ELF5: variants seen among roughly 807,000 people sequenced by gnomAD.
The protein encoded by ELF5 is ETS-related transcription factor Elf-5.
In ELF5, 31 loss-of-function variants were observed where a neutral mutation model predicts 38.2. The observed-to-expected ratio is 0.81, with a 90% CI of 0.61 to 1.10. The LOEUF (loss-of-function observed/expected upper bound fraction) is 1.10, where lower values mean the gene tolerates loss of function less well. Ranked by LOEUF, ELF5 falls within the 50% of genes least tolerant of loss-of-function variation. The probability of loss-of-function intolerance (pLI) is 0.00; values close to 1 mark genes in which losing one functional copy is unlikely to be tolerated. For synonymous variants in ELF5, 121 were observed against 112.5 expected (o/e 1.08, Z -0.48); for missense variants, 300 against 306.6 (o/e 0.98, Z 0.16).
At chr11:34,494,634 C>G (rs1850271678) in intron 2 of ELF5, among the ~76,000 whole-genome samples, 1 of 152,078 alleles carries the variant, frequency 6.6e-6, no homozygotes, top group Non-Finnish European at 1.5e-5. Flanking sequence ...ATTTGGTGTT[C>G]AACAGTTCTG....
In ELF5 at chr11:34,505,356, T is replaced by C. The variant is rs189712599; in HGVS notation, c.121+273A>G. The stretch of plus-strand genomic sequence containing the variant: ...TCATAATAACTCCAAGAGACGTACA[T>C]TTTACTTGGCAGCAAAACGAGGCTC... On this transcript the variant is annotated intron_variant, in intron 2 of 6. Coordinates refer to ENST00000257832, the MANE Select transcript of ELF5 (RefSeq NM_001422.4). Among the ~76,000 whole-genome samples the C allele has an allele frequency of 2.0e-5, 3 of 152,326 alleles. No homozygotes were observed. The East Asian group carries it at 5.8e-4, about 29-fold the overall frequency.
At chr11:34,500,459 C>G (rs1040645340) in intron 2 of ELF5, among the ~76,000 whole-genome samples, 4 of 152,320 alleles carry the variant, frequency 2.6e-5, no homozygotes, top group Admixed American at 2.0e-4. Context: ...TGGAAAGAGA[C>G]CATGAGATGG....
intron 2 of ELF5, among the ~76,000 whole-genome samples, chr11:34,496,082 C>G (rs961266426): frequency 6.6e-6 from 1 of 152,242 alleles, no homozygotes; most frequent in Non-Finnish European, 1.5e-5. Flanking sequence ...TGCTTCCACC[C>G]CCTTGTTATT....
chr11:34,483,194 T>G (rs536192514), intron 4 of ELF5, among the ~76,000 whole-genome samples: 1 of 152,036 alleles, frequency 6.6e-6, no homozygotes, highest in Non-Finnish European at 1.5e-5. Flanking sequence ...TGGATACTTG[T>G]GGTGCACGCC....
rs530785142 is a variant in ELF5, at chr11:34,480,160, C to G, written c.*58G>C. ...AATGAAGCCTTTCGAATGTCTATTGCAATCTGATTGTTTTAAAAGACAGAA... is the reference window on the plus strand; with the variant it reads ...AATGAAGCCTTTCGAATGTCTATTGGAATCTGATTGTTTTAAAAGACAGAA... On this transcript the variant is annotated 3_prime_UTR_variant, in exon 7 of 7. Coordinates refer to ENST00000257832, the MANE Select transcript of ELF5 (RefSeq NM_001422.4). 43 of 1,395,716 alleles carry G rather than the reference C, an allele frequency of 3.1e-5. No individual in the cohort carries two copies. The highest frequency in any genetic ancestry group is 3.6e-4 in the Middle Eastern group (2 of 5,612). The allele number at this position is 1,395,716 out of a possible 1,614,324, so 86.5% of individuals were successfully genotyped here. A position where few individuals can be genotyped will look rare whatever the true frequency, so the allele number is the denominator to read the frequency against.
intron 3 of ELF5, among the ~76,000 whole-genome samples, chr11:34,490,961 C>G (rs1017284592): frequency 1.3e-5 from 2 of 152,110 alleles, no homozygotes; most frequent in African/African-American, 4.8e-5. Context: ...CCTTGCTTCC[C>G]AGCAACCAGT....
chr11:34,511,861 C>G (rs1362412748), intron 1 of ELF5: 1 of 453,622 alleles, frequency 2.2e-6, no homozygotes, highest in African/African-American at 2.0e-5. Flanking sequence ...ATCAACTTCA[C>G]TCTGGGCATG....
At chr11:34,494,689 T>C (rs773073350) in intron 2 of ELF5, among the ~76,000 whole-genome samples, 13 of 152,134 alleles carry the variant, frequency 8.5e-5, no homozygotes, top group Admixed American at 3.3e-4. Flanking sequence ...GGACATAAGG[T>C]ATGGAAGAGG....
chr11:34,510,007 A>T (rs1273148540), intron 1 of ELF5, among the ~76,000 whole-genome samples: 2 of 152,254 alleles, frequency 1.3e-5, no homozygotes, highest in Non-Finnish European at 2.9e-5. Context: ...ACAAAAAAAA[A>T]GGTCATTTGG....
intron 2 of ELF5, among the ~76,000 whole-genome samples, chr11:34,496,432 G>A (rs1048391219): frequency 1.3e-5 from 2 of 152,206 alleles, no homozygotes; most frequent in African/African-American, 2.4e-5. Context: ...GTGGCAGAGC[G>A]GAGGCTGCCC....
intron 2 of ELF5, among the ~76,000 whole-genome samples, chr11:34,496,885 A>AT (rs1376097686): frequency 6.6e-6 from 1 of 152,104 alleles, no homozygotes; most frequent in Non-Finnish European, 1.5e-5. Context: ...GAAAAGTGGC[A>AT]TTTTCCCTCT....
At chr11:34,505,348 G>A (rs1850584234) in intron 2 of ELF5, among the ~76,000 whole-genome samples, 1 of 152,198 alleles carries the variant, frequency 6.6e-6, no homozygotes, top group Admixed American at 6.5e-5. Context: ...AACTCCAAGA[G>A]ACGTACATTT....
chr11:34,484,508 C>CTATAT (rs1564974474), intron 4 of ELF5, among the ~76,000 whole-genome samples: 7 of 151,482 alleles, frequency 4.6e-5, no homozygotes, highest in African/African-American at 1.7e-4. Flanking sequence ...CTATACTATA[C>CTATAT]TATACTATAC....
chr11:34,513,385 A>C (rs1049791033), intron 1 of ELF5, among the ~76,000 whole-genome samples: 2 of 152,260 alleles, frequency 1.3e-5, no homozygotes, highest in African/African-American at 4.8e-5. Context: ...AGGATAGAGA[A>C]CTGAGCGCCT....
At position 34,479,806 on chromosome 11, in the gene ELF5, T is replaced by TC. The variant is rs774949857; in HGVS notation, c.*411dup. The TC allele has an allele frequency of 9.6e-4, 157 of 163,104 alleles. 1 individual carries two copies. Among genetic ancestry groups the TC allele is most frequent in the Non-Finnish European group, 8.1e-4 (61 of 75,308 alleles). 10.1% of individuals were successfully genotyped at this position (163,104 alleles called of 1,614,324 possible). Reference sequence around the variant, plus strand: ...CATAACCTGCAAACTAATCATGCTTTCCCCCACCTTTGGTGAGCTGCCACA... The same window carrying TC: ...CATAACCTGCAAACTAATCATGCTTTCCCCCCACCTTTGGTGAGCTGCCACA... On this transcript the variant is annotated 3_prime_UTR_variant, in exon 7 of 7. Coordinates refer to ENST00000257832, the MANE Select transcript of ELF5 (RefSeq NM_001422.4).
chr11:34,503,167 C>CTT (rs11398351), intron 2 of ELF5, among the ~76,000 whole-genome samples: 1 of 151,224 alleles, frequency 6.6e-6, no homozygotes, highest in Non-Finnish European at 1.5e-5. Flanking sequence ...GAAACTAATC[C>CTT]TTTTTTTTTG....
intron 4 of ELF5, among the ~76,000 whole-genome samples, chr11:34,489,331 G>A (rs114219170): frequency 0.018 from 2,688 of 152,250 alleles, 77 homozygotes; most frequent in African/African-American, 0.061. Flanking sequence ...ATCACCATGC[G>A]CTCTGCTCCC....
intron 4 of ELF5, among the ~76,000 whole-genome samples, chr11:34,488,765 G>A (rs545625952): frequency 6.6e-6 from 1 of 152,212 alleles, no homozygotes; most frequent in East Asian, 1.9e-4. Context: ...CTGGAGAAAG[G>A]GTTGGTCAGG....
chr11:34,484,492 A>ACTATCCTATACTATCCTATC (rs1319951211), intron 4 of ELF5, among the ~76,000 whole-genome samples: 1 of 119,464 alleles, frequency 8.4e-6, no homozygotes, highest in African/African-American at 3.3e-5. Context: ...ACTATACTAT[A>ACTATCCTATACTATCCTATC]CTATACTATA....
Sources: allele counts gnomAD v4.1 joint callset (sites outside exome capture counted in the v4.1 genomes callset), GRCh38; gene constraint gnomAD v4.1.1; transcripts MANE v1.5; gene names NCBI Gene and HGNC (gene_info 2026-07-23, HGNC 2026-07-21).